Variants in OPCML observed in about 807,000 individuals in gnomAD.
The protein encoded by OPCML is opioid-binding protein/cell adhesion molecule.
In OPCML, 13 loss-of-function variants were observed where a neutral mutation model predicts 37.8. The ratio of observed to expected loss-of-function variants is 0.34; its 90% confidence interval spans 0.22 to 0.55. The LOEUF (loss-of-function observed/expected upper bound fraction) is 0.55, where lower values mean the gene tolerates loss of function less well. OPCML is among the 20% of genes least tolerant of loss of function. OPCML has a pLI of 0.91. For missense variants in OPCML, 341 were observed against 435.6 expected, an observed-to-expected ratio of 0.78 and a Z score of 1.93; for synonymous variants, 176 against 168.8, an observed-to-expected ratio of 1.04 and a Z score of -0.33.
chr11:133,213,354 C>G (rs1486606659), intron 1 of OPCML, among the ~76,000 whole-genome samples: 1 of 151,414 alleles, frequency 6.6e-6, no homozygotes, highest in Non-Finnish European at 1.5e-5. Context: ...TTAAAAGATC[C>G]TTTTTCATAC....
At chr11:132,838,240 C>T (rs1439506374) in intron 2 of OPCML, among the ~76,000 whole-genome samples, 1 of 152,022 alleles carries the variant, frequency 6.6e-6, no homozygotes, top group Non-Finnish European at 1.5e-5. Context: ...ATGGTCCTTG[C>T]CCTCATGGTA....
intron 1 of OPCML, among the ~76,000 whole-genome samples, chr11:133,044,774 C>T (rs1265604204): frequency 6.6e-6 from 1 of 152,128 alleles, no homozygotes; most frequent in African/African-American, 2.4e-5. Context: ...GGAGCCTGTG[C>T]TCTTGGAAGT....
intron 1 of OPCML, among the ~76,000 whole-genome samples, chr11:133,157,872 G>GA (rs1406484371): frequency 2.0e-5 from 3 of 152,218 alleles, no homozygotes; most frequent in East Asian, 1.9e-4. Flanking sequence ...AATGAGCAAA[G>GA]AAAAAATGCA....
rs187232267 is a variant in OPCML, at chr11:132,468,885, A to G, written c.506-31526T>C. On this transcript the variant is annotated intron_variant, in intron 4 of 7. Transcript: ENST00000524381. ...CCTGCACTCTAAAATCATGGATCTC[A>G]TCCATACTGATCCAATCACACCCAG... Among the ~76,000 whole-genome samples, 50 of 152,272 alleles carry G rather than the reference A, an allele frequency of 3.3e-4. No individual in the cohort carries two copies. The East Asian group carries it at 9.3e-3, about 28-fold the overall frequency.
At chr11:132,951,076 G>A (rs149479160) in intron 1 of OPCML, among the ~76,000 whole-genome samples, 42 of 152,230 alleles carry the variant, frequency 2.8e-4, no homozygotes, top group Middle Eastern at 3.4e-3. Context: ...GCAGTCGGGC[G>A]TCAGTCCAAG....
intron 1 of OPCML, among the ~76,000 whole-genome samples, chr11:133,354,292 C>CATGGTGATAG (rs1565588757): frequency 1.0e-3 from 20 of 19,694 alleles, no homozygotes; most frequent in South Asian, 4.0e-3. Context: ...GATGGTGGTG[C>CATGGTGATAG]TGGTGGTGGT....
intron 4 of OPCML, among the ~76,000 whole-genome samples, chr11:132,489,151 A>G (rs533870920): frequency 6.6e-6 from 1 of 151,984 alleles, no homozygotes; most frequent in East Asian, 1.9e-4. Flanking sequence ...TTATTTTTAA[A>G]CTCTTTTTTT....
chr11:133,393,025 C>T (rs1325720153), intron 1 of OPCML, among the ~76,000 whole-genome samples: 1 of 142,390 alleles, frequency 7.0e-6, no homozygotes, highest in East Asian at 2.1e-4. Flanking sequence ...ACTTCCTTCT[C>T]ACTGTCTGTT....
intron 4 of OPCML, among the ~76,000 whole-genome samples, chr11:132,519,442 C>A (rs535823840): frequency 2.4e-3 from 362 of 152,128 alleles, no homozygotes; most frequent in Non-Finnish European, 3.3e-3. Flanking sequence ...ACTTCAGCCT[C>A]CCAAGAAGGA....
chr11:133,029,812 G>A (rs1365033682), intron 1 of OPCML, among the ~76,000 whole-genome samples: 1 of 151,828 alleles, frequency 6.6e-6, no homozygotes, highest in South Asian at 2.1e-4. Context: ...TCAGCATCAC[G>A]CTATATATTC....
chr11:132,589,549 C>T (rs577159325), intron 3 of OPCML, among the ~76,000 whole-genome samples: 101 of 152,208 alleles, frequency 6.6e-4, no homozygotes, highest in African/African-American at 2.3e-3. Flanking sequence ...CTATTCGAGA[C>T]ACAAGAAGAT....
chr11:133,284,472 C>T (rs371120056), intron 1 of OPCML, among the ~76,000 whole-genome samples: 3 of 152,282 alleles, frequency 2.0e-5, no homozygotes, highest in East Asian at 1.9e-4. Flanking sequence ...AACAAAAAAA[C>T]GACCTGCCTT....
intron 1 of OPCML, among the ~76,000 whole-genome samples, chr11:133,087,322 T>C (rs1948832118): frequency 6.6e-6 from 1 of 152,234 alleles, no homozygotes; most frequent in Non-Finnish European, 1.5e-5. Context: ...AGGGGCTACC[T>C]GCCTAGGTTT....
chr11:132,809,799 T>A (rs1939223347), intron 2 of OPCML, among the ~76,000 whole-genome samples: 1 of 152,080 alleles, frequency 6.6e-6, no homozygotes, highest in African/African-American at 2.4e-5. Context: ...CCTCTTACAG[T>A]GCTGCAGGTT....
At chr11:133,277,022 G>A (rs550420586) in intron 1 of OPCML, among the ~76,000 whole-genome samples, 6 of 152,188 alleles carry the variant, frequency 3.9e-5, no homozygotes, top group South Asian at 4.2e-4. Context: ...ACTCTTTTAC[G>A]TTAGCCACAA....
intron 1 of OPCML, among the ~76,000 whole-genome samples, chr11:133,059,300 G>C (rs1948297397): frequency 6.6e-6 from 1 of 152,206 alleles, no homozygotes; most frequent in African/African-American, 2.4e-5. Context: ...TTCATCTGGT[G>C]GTTCTTAGAG....
chr11:133,376,093 AAAG>A (rs10560895), intron 1 of OPCML, among the ~76,000 whole-genome samples: 33,562 of 151,970 alleles, frequency 0.22, 5,251 homozygotes, highest in African/African-American at 0.44. Flanking sequence ...CTTGGCTATT[AAAG>A]AAGATCAGGA....
At chr11:133,214,497 A>C (rs555841206) in intron 1 of OPCML, among the ~76,000 whole-genome samples, 1 of 152,364 alleles carries the variant, frequency 6.6e-6, no homozygotes, top group East Asian at 1.9e-4. Flanking sequence ...GGTTTTGAAA[A>C]AAAGGCGAAC....
chr11:132,704,060 A>T (rs1377485516), intron 2 of OPCML, among the ~76,000 whole-genome samples: 1 of 152,112 alleles, frequency 6.6e-6, no homozygotes, highest in Non-Finnish European at 1.5e-5. Context: ...GTCTACTTGG[A>T]AAGGCCTGTG....
Sources: gnomAD v4.1 joint callset for allele counts (sites outside exome capture counted in the v4.1 genomes callset) on GRCh38, gnomAD v4.1.1 for gene constraint, MANE v1.5 for transcripts, NCBI Gene and HGNC (gene_info 2026-07-23, HGNC 2026-07-21) for gene names.